The following CA13 variants were observed in gnomAD, a reference collection of about 807,000 sequenced individuals.
The protein encoded by CA13 is CA-XIII.
Under a neutral mutation model 31.5 loss-of-function variants are expected in CA13, and 21 were observed. The observed-to-expected ratio is 0.67, with a 90% CI of 0.47 to 0.96. The LOEUF (loss-of-function observed/expected upper bound fraction) is 0.96. Ranked by LOEUF, CA13 falls within the 40% of genes least tolerant of loss-of-function variation. The pLI, the probability that CA13 is intolerant of heterozygous loss-of-function variation, is 0.00. For missense variants in CA13, 315 were observed against 318.9 expected, an observed-to-expected ratio of 0.99 and a Z score of 0.09; for synonymous variants, 117 against 111.4, an observed-to-expected ratio of 1.05 and a Z score of -0.32.
At position 85,281,218 on chromosome 8, in the gene CA13, C is replaced by T. The variant is rs375580293; in HGVS notation, c.670-12C>T. On this transcript the variant is annotated splice_polypyrimidine_tract_variant and intron_variant, in intron 6 of 6. Coordinates refer to ENST00000321764, the MANE Select transcript of CA13 (RefSeq NM_198584.3). ...TTTCTATGCTGAAGCTAACTCTTTT[C>T]TTCTTCTACAGCTGGCCAAATTTCG... The T allele has an allele frequency of 7.5e-5, 120 of 1,609,790 alleles. No individual in the cohort carries two copies. The African/African-American group carries it at 1.3e-3, about 18-fold the overall frequency.
In CA13 at chr8:85,245,938, C is replaced by T. The variant is rs544680746; in HGVS notation, c.37+73C>T. 3 of 1,545,438 alleles carry T rather than the reference C, an allele frequency of 1.9e-6. No individual in the cohort carries two copies. The East Asian group carries it at 6.7e-5, about 35-fold the overall frequency. The stretch of plus-strand genomic sequence containing the variant: ...AGGACTAGCGCGACGCCCCGGCGCT[C>T]GCTGACCACACACTGGGCTCGCACA... On this transcript the variant is annotated intron_variant, in intron 1 of 6. Transcript: ENST00000321764.
chr8:85,253,173 G>A (rs1180850427), intron 2 of CA13, among the ~76,000 whole-genome samples: 2 of 151,990 alleles, frequency 1.3e-5, no homozygotes, highest in African/African-American at 2.4e-5. Context: ...TCGAACTCCC[G>A]ACCTCAGGTG....
intron 6 of CA13, among the ~76,000 whole-genome samples, chr8:85,276,591 A>G (rs1032259626): frequency 1.3e-5 from 2 of 152,188 alleles, no homozygotes; most frequent in Non-Finnish European, 2.9e-5. Context: ...AAACACACCA[A>G]TCAGCACCCT....
chr8:85,266,576 C>G (rs878880675), intron 3 of CA13, 32 bp from the exon 4 acceptor site: 1 of 1,522,906 alleles, frequency 6.6e-7, no homozygotes. Flanking sequence ...TCTAACAAAA[C>G]ATTCCTACTA....
chr8:85,248,486 A>G (rs925542268), intron 1 of CA13, among the ~76,000 whole-genome samples: 1 of 151,164 alleles, frequency 6.6e-6, no homozygotes, highest in African/African-American at 2.4e-5. Flanking sequence ...AAAAAGAATT[A>G]TGGTGGCTTG....
Position 85,259,432 on chromosome 8 carries a change from G to T in CA13, c.247G>T (p.Gly83Cys). The change falls in exon 3 of 7, where the codon GGT becomes TGT. Residue 83 changes from glycine to cysteine, a missense_variant. Transcript: ENST00000321764. The part of the protein sequence containing the change: ...DTENKSVLRG[G>C]PLTGSYRLRQ... ...ATGTTGTTGTTTAGTTCTGCGTGGT[G>T]GTCCTCTCACTGGAAGCTACAGGTT... 6.2e-7 allele frequency: 1 copy of T among 1,613,638 alleles called. No homozygotes were observed. The highest frequency in any genetic ancestry group is 1.7e-4 in the Middle Eastern group (1 of 6,000).
intron 6 of CA13, among the ~76,000 whole-genome samples, chr8:85,280,106 C>G (rs1219863187): frequency 6.6e-6 from 1 of 152,068 alleles, no homozygotes; most frequent in Non-Finnish European, 1.5e-5. Context: ...ATGGTGAAAC[C>G]CCATCTCTAC....
At chr8:85,256,953 CTCT>C (rs1807307523) in intron 2 of CA13, among the ~76,000 whole-genome samples, 1 of 152,172 alleles carries the variant, frequency 6.6e-6, no homozygotes, top group African/African-American at 2.4e-5. Flanking sequence ...TTCTCTCTCT[CTCT>C]CCCTCTCTGT....
At chr8:85,250,999 CTCTTTT>C (rs1336369211) in intron 2 of CA13, 62 bp downstream of exon 2, 1 of 903,414 alleles carries the variant, frequency 1.1e-6, no homozygotes, top group Non-Finnish European at 1.6e-6. Context: ...TTAGACTATA[CTCTTTT>C]TTTTTTTTTT....
chr8:85,277,036 G>C (rs141384254), intron 6 of CA13, among the ~76,000 whole-genome samples: 1 of 152,130 alleles, frequency 6.6e-6, no homozygotes, highest in Non-Finnish European at 1.5e-5. Flanking sequence ...ACCAATCAGC[G>C]CCCTGTCAAA....
At chr8:85,250,624 C>T in intron 1 of CA13, 116 bp from the exon 2 acceptor site, 1 of 656,122 alleles carries the variant, frequency 1.5e-6, no homozygotes, top group East Asian at 2.8e-5. Flanking sequence ...ACGAGAATCT[C>T]ATTTTATTAA....
intron 3 of CA13, among the ~76,000 whole-genome samples, chr8:85,265,109 A>C (rs1344050618): frequency 6.6e-6 from 1 of 152,270 alleles, no homozygotes; most frequent in Admixed American, 6.5e-5. Context: ...CATGTATTTG[A>C]ATATGCTAAA....
At chr8:85,260,191 T>C (rs1031459426) in intron 3 of CA13, among the ~76,000 whole-genome samples, 2 of 152,256 alleles carry the variant, frequency 1.3e-5, no homozygotes, top group Admixed American at 1.3e-4. Flanking sequence ...TCACTAATAA[T>C]ACTCTGTGCA....
In CA13 at chr8:85,245,731, G is replaced by T. The variant is rs1452490331; in HGVS notation, c.-98G>T. 3 of 1,420,192 alleles carry T rather than the reference G, an allele frequency of 2.1e-6. No individual in the cohort carries two copies. The highest frequency in any genetic ancestry group is 3.0e-6 in the Non-Finnish European group (3 of 1,010,272). 88.0% of individuals were successfully genotyped at this position (1,420,192 alleles called of 1,614,324 possible). A position where few individuals can be genotyped will look rare whatever the true frequency, so the allele number is the denominator to read the frequency against. On this transcript the variant is annotated 5_prime_UTR_variant, in exon 1 of 7. Coordinates refer to ENST00000321764, the MANE Select transcript of CA13 (RefSeq NM_198584.3). ...CGCACTCCTGCCGCCGGCGCCCCGC[G>T]GTCCCGCCCTAGCAGGCTCCTTCCC...
intron 1 of CA13, among the ~76,000 whole-genome samples, chr8:85,249,176 C>A (rs1205746142): frequency 6.6e-6 from 1 of 151,952 alleles, no homozygotes; most frequent in African/African-American, 2.4e-5. Context: ...TTCTCTTTTG[C>A]AAAAATGAGG....
intron 2 of CA13, among the ~76,000 whole-genome samples, chr8:85,254,430 G>GTT (rs1210380429): frequency 6.6e-6 from 1 of 152,004 alleles, no homozygotes; most frequent in African/African-American, 2.4e-5. Context: ...GAGAACCCAG[G>GTT]TTTCTCTCTC....
At chr8:85,276,366 C>T (rs546060106) in intron 6 of CA13, among the ~76,000 whole-genome samples, 1 of 152,258 alleles carries the variant, frequency 6.6e-6, no homozygotes, top group Non-Finnish European at 1.5e-5. Context: ...GCCCCCTGCT[C>T]CACGGTGCCC....
chr8:85,249,040 G>C (rs1813780541), intron 1 of CA13, among the ~76,000 whole-genome samples: 1 of 152,218 alleles, frequency 6.6e-6, no homozygotes, highest in African/African-American at 2.4e-5. Flanking sequence ...AAGGACTTCT[G>C]ATGCTCAAGT....
At chr8:85,250,033 A>G (rs1813799146) in intron 1 of CA13, among the ~76,000 whole-genome samples, 1 of 152,250 alleles carries the variant, frequency 6.6e-6, no homozygotes, top group African/African-American at 2.4e-5. Context: ...CAAATGTAAC[A>G]TTGGCAAAAT....
Sources: allele counts gnomAD v4.1 joint callset (sites outside exome capture counted in the v4.1 genomes callset), GRCh38; gene constraint gnomAD v4.1.1; transcripts MANE v1.5; gene names NCBI Gene and HGNC (gene_info 2026-07-23, HGNC 2026-07-21).